TAFA4: variants seen among roughly 807,000 people sequenced by gnomAD.
The protein encoded by TAFA4 is TAFA chemokine like family member 4.
In TAFA4, 20 loss-of-function variants were observed where a neutral mutation model predicts 21.1. That is an observed-to-expected ratio of 0.95 (90% CI 0.67 to 1.38). The LOEUF (loss-of-function observed/expected upper bound fraction) is 1.38, where lower values mean the gene tolerates loss of function less well. Among genes scored for constraint, TAFA4 ranks in the 40% most tolerant of loss-of-function variants. The pLI, the probability that TAFA4 is intolerant of heterozygous loss-of-function variation, is 0.00. For missense variants in TAFA4, 211 were observed against 180.9 expected (o/e 1.17, Z -0.95); for synonymous variants, 71 against 67.4 (o/e 1.05, Z -0.26).
chr3:68,897,211 G>GT (rs1407257206), intron 1 of TAFA4, among the ~76,000 whole-genome samples: 1 of 152,080 alleles, frequency 6.6e-6, no homozygotes, highest in Non-Finnish European at 1.5e-5. Flanking sequence ...CTAATCTATT[G>GT]TTTTTCACTC....
At chr3:68,869,042 A>G (rs1265498779) in intron 3 of TAFA4, among the ~76,000 whole-genome samples, 1 of 151,964 alleles carries the variant, frequency 6.6e-6, no homozygotes, top group Admixed American at 6.6e-5. Flanking sequence ...AAGAACACAT[A>G]ACAACTGATA....
At chr3:68,876,272 T>C (rs1206814573) in intron 3 of TAFA4, among the ~76,000 whole-genome samples, 2 of 152,200 alleles carry the variant, frequency 1.3e-5, no homozygotes, top group Admixed American at 1.3e-4. Flanking sequence ...CAAAATTACA[T>C]GTGGCTCTAT....
chr3:68,912,015 T>A (rs2089965507), intron 1 of TAFA4, among the ~76,000 whole-genome samples: 1 of 152,196 alleles, frequency 6.6e-6, no homozygotes, highest in Admixed American at 6.5e-5. Context: ...GAATCACTGA[T>A]CCTTCTCCAT....
At chr3:68,783,841 T>C (rs1053006725) in intron 3 of TAFA4, among the ~76,000 whole-genome samples, 4 of 152,144 alleles carry the variant, frequency 2.6e-5, no homozygotes, top group East Asian at 1.9e-4. Flanking sequence ...AATAAAAAGA[T>C]TGTTGAGACT....
intron 3 of TAFA4, among the ~76,000 whole-genome samples, chr3:68,863,803 C>A (rs545283663): frequency 6.6e-6 from 1 of 152,234 alleles, no homozygotes; most frequent in East Asian, 1.9e-4. Context: ...GAATACCAAT[C>A]TGACTTATTA....
chr3:68,764,761 G>A (rs1181405142), intron 3 of TAFA4, among the ~76,000 whole-genome samples: 1 of 152,132 alleles, frequency 6.6e-6, no homozygotes, highest in African/African-American at 2.4e-5. Flanking sequence ...GCCACTAGTG[G>A]AGAGGAAATC....
intron 3 of TAFA4, among the ~76,000 whole-genome samples, chr3:68,830,158 T>G (rs1265229165): frequency 1.3e-5 from 2 of 152,230 alleles, no homozygotes; most frequent in Non-Finnish European, 2.9e-5. Flanking sequence ...TCATTGATTA[T>G]TTGAAGGTTT....
At chr3:68,882,264 C>G (rs2089627457) in intron 2 of TAFA4, among the ~76,000 whole-genome samples, 2 of 151,840 alleles carry the variant, frequency 1.3e-5, no homozygotes, top group Middle Eastern at 3.4e-3. Flanking sequence ...CTAATTATGA[C>G]AAACTGGAAG....
At position 68,753,008 on chromosome 3, in the gene TAFA4, T is replaced by C; in HGVS notation, c.141A>G (p.Gln47=). Residue 47 remains glutamine (Q), a synonymous_variant, in exon 4 of 6, where the codon CAA becomes CAG. Transcript: ENST00000295569. Reference sequence around the variant, plus strand: ...CCACCTCACAGGTCCCTTGCTTGATTTGGTGGTGACCTAGTTGGTAATGGG... The same window carrying C: ...CCACCTCACAGGTCCCTTGCTTGATCTGGTGGTGACCTAGTTGGTAATGGG... ...QHLRGHAGHH[Q]IKQGTCEVVA... 1.9e-6 allele frequency: 3 copies of C among 1,613,588 alleles called. No homozygotes were observed. Among genetic ancestry groups the C allele is most frequent in the Non-Finnish European group, 2.5e-6 (3 of 1,179,706 alleles).
chr3:68,856,762 T>C (rs1705079207), intron 3 of TAFA4, among the ~76,000 whole-genome samples: 1 of 152,156 alleles, frequency 6.6e-6, no homozygotes, highest in African/African-American at 2.4e-5. Context: ...ACCTCACTCC[T>C]ACTCAGGGAC....
Position 68,932,497 on chromosome 3 carries a change from C to A in TAFA4, c.-380G>T, listed in dbSNP as rs534047066. ...AGGACTCCCGATGTTTGCCCGCAGC[C>A]GCGCGCGCAGTCGGTGCGCCCCGTC... On this transcript the variant is annotated 5_prime_UTR_variant, in exon 1 of 6. Coordinates refer to ENST00000295569, the MANE Select transcript of TAFA4 (RefSeq NM_182522.5). The A allele has an allele frequency of 6.6e-6, 1 of 152,356 alleles. No homozygotes were observed. The highest frequency in any genetic ancestry group is 2.4e-5 in the African/African-American group (1 of 41,542). The allele number at this position is 152,356 out of a possible 1,614,324, so 9.4% of individuals were successfully genotyped here. A position where few individuals can be genotyped will look rare whatever the true frequency, so the allele number is the denominator to read the frequency against.
At position 68,872,692 on chromosome 3, in the gene TAFA4, A is replaced by G. The variant is rs922477765; in HGVS notation, c.130+8038T>C. 2.6e-5 allele frequency among the ~76,000 whole-genome samples: 4 copies of G among 152,158 alleles called. No homozygotes were observed. In the South Asian group the frequency reaches 6.2e-4, roughly 24 times the overall value. On this transcript the variant is annotated intron_variant, in intron 3 of 5. Coordinates refer to ENST00000295569, the MANE Select transcript of TAFA4 (RefSeq NM_182522.5). Reference sequence around the variant, plus strand: ...AAGATATGCACAACTATTATGTAGCAATAATAAATAAGAAAATGCATTAAA... The same window carrying G: ...AAGATATGCACAACTATTATGTAGCGATAATAAATAAGAAAATGCATTAAA...
At chr3:68,892,091 G>C (rs1181275270) in intron 1 of TAFA4, among the ~76,000 whole-genome samples, 1 of 152,126 alleles carries the variant, frequency 6.6e-6, no homozygotes, top group African/African-American at 2.4e-5. Flanking sequence ...CTGATACACG[G>C]CAGAACCTCC....
At chr3:68,887,450 G>A (rs974762561) in intron 1 of TAFA4, among the ~76,000 whole-genome samples, 5 of 151,884 alleles carry the variant, frequency 3.3e-5, no homozygotes, top group African/African-American at 9.7e-5. Context: ...TCTACATTTC[G>A]GGAGTCTCTG....
chr3:68,750,172 C>A (rs1702534746), intron 4 of TAFA4, among the ~76,000 whole-genome samples: 1 of 152,172 alleles, frequency 6.6e-6, no homozygotes, highest in African/African-American at 2.4e-5. Flanking sequence ...TGGCTCACAC[C>A]TGTAATCCCC....
intron 3 of TAFA4, among the ~76,000 whole-genome samples, chr3:68,806,058 A>C (rs1334426397): frequency 6.6e-6 from 1 of 152,180 alleles, no homozygotes; most frequent in Non-Finnish European, 1.5e-5. Flanking sequence ...ATTTGAGTAC[A>C]AAAGGTGGGT....
At chr3:68,883,900 T>G (rs925373151) in intron 2 of TAFA4, among the ~76,000 whole-genome samples, 2 of 151,222 alleles carry the variant, frequency 1.3e-5, no homozygotes, top group African/African-American at 2.4e-5. Context: ...ACCACCACAC[T>G]CCAGCCTGAG....
intron 1 of TAFA4, among the ~76,000 whole-genome samples, chr3:68,903,884 C>T (rs2089870076): frequency 6.6e-6 from 1 of 152,096 alleles, no homozygotes; most frequent in African/African-American, 2.4e-5. Context: ...CTTTGATGCG[C>T]AATATCACAG....
chr3:68,738,974 T>G (rs1702294231), intron 5 of TAFA4, 101 bp downstream of exon 5: 1 of 1,494,664 alleles, frequency 6.7e-7, no homozygotes, highest in Non-Finnish European at 9.0e-7. Context: ...GCAGGTTTAT[T>G]AACACATAAT....
Sources: allele counts gnomAD v4.1 joint callset (sites outside exome capture counted in the v4.1 genomes callset), GRCh38; gene constraint gnomAD v4.1.1; transcripts MANE v1.5; gene names NCBI Gene and HGNC (gene_info 2026-07-23, HGNC 2026-07-21).